The following SLC41A2 variants were observed in gnomAD, a reference collection of about 807,000 sequenced individuals.
SLC41A2 encodes the protein SLC41A1-like 1.
A neutral mutation model predicts 58.3 loss-of-function variants in SLC41A2; 32 were observed. That is an observed-to-expected ratio of 0.55 (90% CI 0.41 to 0.74). The LOEUF (loss-of-function observed/expected upper bound fraction) is 0.74. Ranked by LOEUF, SLC41A2 falls within the 30% of genes least tolerant of loss-of-function variation. The pLI is 0.00. For missense variants in SLC41A2, 514 were observed against 680.6 expected (o/e 0.76, Z 2.72); for synonymous variants, 190 against 235.0 (o/e 0.81, Z 1.75).
At chr12:104,836,110 C>T (rs890972326) in intron 10 of SLC41A2, among the ~76,000 whole-genome samples, 1 of 152,178 alleles carries the variant, frequency 6.6e-6, no homozygotes, top group East Asian at 1.9e-4. Context: ...TCCCAAAATG[C>T]TGGGATTAGA....
intron 8 of SLC41A2, among the ~76,000 whole-genome samples, chr12:104,847,444 A>G (rs965108470): frequency 1.3e-5 from 2 of 151,992 alleles, no homozygotes. Context: ...TCTACTAAAA[A>G]AAATACAAAA....
chr12:104,928,976 C>T lies in SLC41A2; in HGVS notation c.-167-282G>A, dbSNP rs142732327. Among the ~76,000 whole-genome samples the T allele has an allele frequency of 7.7e-3, 1,174 of 152,332 alleles. 14 individuals carry two copies. The highest frequency in any genetic ancestry group is 0.026 in the African/African-American group (1,078 of 41,582). On this transcript the variant is annotated intron_variant, in intron 1 of 10. Coordinates refer to ENST00000258538, the MANE Select transcript of SLC41A2 (RefSeq NM_001352171.3). ...ATCAATATCCACGTAAGGTCTTCAA[C>T]TGCCTCTTGAAATCCCACAGTGGAC...
chr12:104,816,142 C>T (rs2041393123), intron 10 of SLC41A2, among the ~76,000 whole-genome samples: 1 of 152,090 alleles, frequency 6.6e-6, no homozygotes, highest in Non-Finnish European at 1.5e-5. Context: ...TACCACATTA[C>T]CCCTGCTGGG....
At chr12:104,808,769 T>G (rs1360138975) in intron 10 of SLC41A2, among the ~76,000 whole-genome samples, 1 of 152,252 alleles carries the variant, frequency 6.6e-6, no homozygotes, top group Non-Finnish European at 1.5e-5. Context: ...TATTCAGAGA[T>G]TCAACTTCTT....
At chr12:104,958,638 C>G (rs1026564944), upstream of SLC41A2, 3 of 152,420 alleles carry the variant, frequency 2.0e-5, no homozygotes, top group African/African-American at 7.2e-5. Flanking sequence ...ATCCATGACT[C>G]ATGATTTCTC....
At chr12:104,888,962 A>C in intron 5 of SLC41A2, 71 bp downstream of exon 5, 1 of 1,402,046 alleles carries the variant, frequency 7.1e-7, no homozygotes, top group African/African-American at 1.5e-5. Flanking sequence ...TTTAAATAAA[A>C]ATAGTCATCT....
chr12:104,899,056 A>ATTAG (rs2045435243), intron 3 of SLC41A2, among the ~76,000 whole-genome samples: 1 of 152,150 alleles, frequency 6.6e-6, no homozygotes, highest in Non-Finnish European at 1.5e-5. Flanking sequence ...CTGTTACTAG[A>ATTAG]TTAGTTGACC....
At chr12:104,890,328 C>T (rs1285371628) in intron 4 of SLC41A2, among the ~76,000 whole-genome samples, 2 of 152,104 alleles carry the variant, frequency 1.3e-5, no homozygotes, top group African/African-American at 4.8e-5. Flanking sequence ...GAGATTCAAA[C>T]CAATAAGCAC....
intron 6 of SLC41A2, among the ~76,000 whole-genome samples, chr12:104,868,157 T>A (rs2043567908): frequency 6.6e-6 from 1 of 152,192 alleles, no homozygotes; most frequent in Non-Finnish European, 1.5e-5. Flanking sequence ...ATTTGTTGAA[T>A]GGATTCACAG....
intron 8 of SLC41A2, among the ~76,000 whole-genome samples, chr12:104,860,027 G>A (rs12314785): frequency 0.051 from 7,690 of 152,164 alleles, 428 homozygotes; most frequent in African/African-American, 0.15. Context: ...ACAGGGATGA[G>A]CCACCGTGCC....
At chr12:104,924,742 C>T (rs536419000) in intron 2 of SLC41A2, among the ~76,000 whole-genome samples, 1 of 148,102 alleles carries the variant, frequency 6.8e-6, no homozygotes. Flanking sequence ...GAAACTCTGT[C>T]TCAAAAAAAA....
chr12:104,807,147 A>G (rs1592904882), intron 10 of SLC41A2, among the ~76,000 whole-genome samples: 1 of 152,198 alleles, frequency 6.6e-6, no homozygotes, highest in Non-Finnish European at 1.5e-5. Context: ...GCCCATGCCA[A>G]TGTCCTGAAT....
intron 10 of SLC41A2, among the ~76,000 whole-genome samples, chr12:104,826,623 C>T (rs2041856254): frequency 6.6e-6 from 1 of 152,198 alleles, no homozygotes; most frequent in Non-Finnish European, 1.5e-5. Context: ...TCTAAACAAG[C>T]CCCAGTCTCA....
In SLC41A2 at chr12:104,869,577, A is replaced by T. The variant is rs548384105; in HGVS notation, c.1028-2998T>A. Among the ~76,000 whole-genome samples the T allele has an allele frequency of 5.3e-5, 8 of 152,312 alleles. No individual in the cohort carries two copies. The East Asian group carries it at 1.5e-3, about 29-fold the overall frequency. On this transcript the variant is annotated intron_variant, in intron 6 of 10. Coordinates refer to ENST00000258538, the MANE Select transcript of SLC41A2 (RefSeq NM_001352171.3). ...ATGTTAAAAAGGTGGGAAAACCATG[A>T]TAAAACCCAAATTTCCAAATGTTTA...
rs550046678 is a variant in SLC41A2 at position 104,847,471 on chromosome 12, G to A, written c.1256-1497C>T. Reference sequence around the variant, plus strand: ...AATACAAAAACTAGCTTGGTGTGGTGGCGCGTGCCTGTAATCCCAGCTACC... The same window carrying A: ...AATACAAAAACTAGCTTGGTGTGGTAGCGCGTGCCTGTAATCCCAGCTACC... On this transcript the variant is annotated intron_variant, in intron 8 of 10. Coordinates refer to ENST00000258538, the MANE Select transcript of SLC41A2 (RefSeq NM_001352171.3). 3.8e-4 allele frequency among the ~76,000 whole-genome samples: 58 copies of A among 152,012 alleles called. 1 individual carries two copies. The South Asian group carries it at 0.012, about 32-fold the overall frequency.
In SLC41A2 at chr12:104,802,507, G is replaced by A. The variant is rs1310807426; in HGVS notation, c.*2645C>T. 6.6e-6 allele frequency: 1 copy of A among 152,128 alleles called. No homozygotes were observed. The highest frequency in any genetic ancestry group is 1.5e-5 in the Non-Finnish European group (1 of 68,002). 9.4% of individuals were successfully genotyped at this position (152,128 alleles called of 1,614,324 possible). A position where few individuals can be genotyped will look rare whatever the true frequency, so the allele number is the denominator to read the frequency against. On this transcript the variant is annotated 3_prime_UTR_variant, in exon 11 of 11. Coordinates refer to ENST00000258538, the MANE Select transcript of SLC41A2 (RefSeq NM_001352171.3). ...CTGTTACATGCCTTTTAGACATTTGGTTGCTCTAACCAAGGTTGGGTAGCA... is the reference window on the plus strand; with the variant it reads ...CTGTTACATGCCTTTTAGACATTTGATTGCTCTAACCAAGGTTGGGTAGCA...
At chr12:104,913,656 G>A (rs1022381060) in intron 2 of SLC41A2, among the ~76,000 whole-genome samples, 1 of 152,164 alleles carries the variant, frequency 6.6e-6, no homozygotes, top group Non-Finnish European at 1.5e-5. Flanking sequence ...CCTTTGAAGT[G>A]TCTGTTTCTG....
At chr12:104,860,652 T>C (rs1437398232) in intron 8 of SLC41A2, among the ~76,000 whole-genome samples, 1 of 152,106 alleles carries the variant, frequency 6.6e-6, no homozygotes, top group Admixed American at 6.5e-5. Flanking sequence ...TGGCTTATTG[T>C]AGCCTCTAAC....
At chr12:104,943,221 T>G (rs1318612073) in intron 1 of SLC41A2, among the ~76,000 whole-genome samples, 1 of 152,120 alleles carries the variant, frequency 6.6e-6, no homozygotes, top group Admixed American at 6.6e-5. Context: ...TATCAATGCT[T>G]AGAAGAAAAA....
Sources: gnomAD v4.1 joint callset for allele counts (sites outside exome capture counted in the v4.1 genomes callset) on GRCh38, gnomAD v4.1.1 for gene constraint, MANE v1.5 for transcripts, NCBI Gene and HGNC (gene_info 2026-07-23, HGNC 2026-07-21) for gene names.